The following PTPRD variants were observed in gnomAD, a reference collection of about 807,000 sequenced individuals.
PTPRD encodes protein tyrosine phosphatase receptor type D.
PTPRD carries 34 observed loss-of-function variants against 214.5 expected under a neutral mutation model. The ratio of observed to expected loss-of-function variants is 0.16; its 90% CI spans 0.12 to 0.21. The LOEUF (loss-of-function observed/expected upper bound fraction) is 0.21, where lower values mean the gene tolerates loss of function less well. PTPRD is among the 10% of genes least tolerant of loss of function. The pLI is 1.00. For synonymous variants in PTPRD, 1,128 were observed against 845.7 expected (o/e 1.33, Z -5.79); for missense variants, 2,545 against 2,398.7 (o/e 1.06, Z -1.27).
intron 5 of PTPRD, among the ~76,000 whole-genome samples, chr9:9,854,753 A>T (rs1376336897): frequency 1.3e-5 from 2 of 152,120 alleles, no homozygotes; most frequent in Admixed American, 6.5e-5. Flanking sequence ...GTACCCCCAG[A>T]AAACCAGCAA....
chr9:8,422,398 A>C (rs532754956), intron 35 of PTPRD, among the ~76,000 whole-genome samples: 52 of 152,210 alleles, frequency 3.4e-4, no homozygotes, highest in African/African-American at 1.3e-3. Flanking sequence ...AGGTAATATG[A>C]TGGTTGTTTA....
At chr9:9,960,945 A>C (rs2094320422) in intron 4 of PTPRD, among the ~76,000 whole-genome samples, 1 of 152,138 alleles carries the variant, frequency 6.6e-6, no homozygotes, top group South Asian at 2.1e-4. Flanking sequence ...ATCTACAATG[A>C]ACTCAAACAA....
rs530582793 is a variant in PTPRD at position 9,512,379 on chromosome 9, T to A, written c.-237+62353A>T. Among the ~76,000 whole-genome samples, 185 of 151,934 alleles carry A rather than the reference T, an allele frequency of 1.2e-3. 1 individual carries two copies. Among genetic ancestry groups the A allele is most frequent in the South Asian group, 7.7e-3 (37 of 4,824 alleles). On this transcript the variant is annotated intron_variant, in intron 8 of 45. Transcript: ENST00000381196. Reference sequence around the variant, plus strand: ...AGGCTTCTAAGCAAGAAAAATATAATCTTTTTAAAGAGATAAAGTATGCCC... The same window carrying A: ...AGGCTTCTAAGCAAGAAAAATATAAACTTTTTAAAGAGATAAAGTATGCCC...
intron 5 of PTPRD, among the ~76,000 whole-genome samples, chr9:9,911,823 T>C (rs2079273215): frequency 6.6e-6 from 1 of 152,092 alleles, no homozygotes; most frequent in Non-Finnish European, 1.5e-5. Context: ...TTAAAAATTT[T>C]CCTGTGGTGA....
At chr9:9,883,023 C>T (rs1362712747) in intron 5 of PTPRD, among the ~76,000 whole-genome samples, 3 of 152,122 alleles carry the variant, frequency 2.0e-5, no homozygotes, top group African/African-American at 7.2e-5. Context: ...CATGAGGTCT[C>T]ATTTGAAGCC....
intron 19 of PTPRD, among the ~76,000 whole-genome samples, chr9:8,522,812 G>C (rs1449609155): frequency 6.6e-6 from 1 of 151,870 alleles, no homozygotes; most frequent in Non-Finnish European, 1.5e-5. Flanking sequence ...TAATCTTTAG[G>C]GAGCACACCT....
chr9:8,799,129 G>C (rs950966727), intron 11 of PTPRD, among the ~76,000 whole-genome samples: 2 of 152,116 alleles, frequency 1.3e-5, no homozygotes, highest in Admixed American at 1.3e-4. Context: ...ACATGTCAGA[G>C]TCCACAGGTA....
intron 5 of PTPRD, among the ~76,000 whole-genome samples, chr9:9,856,137 G>A (rs1190089760): frequency 1.3e-5 from 2 of 152,122 alleles, no homozygotes; most frequent in Non-Finnish European, 2.9e-5. Flanking sequence ...GGCCATCTGC[G>A]GCAGGATTAT....
chr9:8,383,954 G>T (rs2086067003), intron 37 of PTPRD, among the ~76,000 whole-genome samples: 1 of 152,170 alleles, frequency 6.6e-6, no homozygotes, highest in African/African-American at 2.4e-5. Context: ...TAAGCATGAG[G>T]TTGATGCATT....
chr9:8,589,780 A>T (rs2093955054), intron 14 of PTPRD, among the ~76,000 whole-genome samples: 1 of 152,168 alleles, frequency 6.6e-6, no homozygotes, highest in Non-Finnish European at 1.5e-5. Context: ...AACTTGACAC[A>T]TTCCTCTGAT....
intron 11 of PTPRD, among the ~76,000 whole-genome samples, chr9:8,937,106 G>C (rs1250980631): frequency 6.6e-6 from 1 of 151,872 alleles, no homozygotes. Flanking sequence ...GCATCATAAT[G>C]TATTGACTAC....
At chr9:9,391,890 A>G (rs563187248) in intron 9 of PTPRD, among the ~76,000 whole-genome samples, 5 of 152,308 alleles carry the variant, frequency 3.3e-5, no homozygotes, top group African/African-American at 1.2e-4. Context: ...CAAAATTTAA[A>G]GAAGACTTTG....
At chr9:9,649,020 G>A (rs2096266619) in intron 7 of PTPRD, among the ~76,000 whole-genome samples, 1 of 152,176 alleles carries the variant, frequency 6.6e-6, no homozygotes, top group East Asian at 1.9e-4. Context: ...GGGCCTTTGT[G>A]TTGAGGCCTC....
At chr9:8,481,684 C>G (rs182211146) in intron 30 of PTPRD, among the ~76,000 whole-genome samples, 11 of 151,922 alleles carry the variant, frequency 7.2e-5, no homozygotes, top group African/African-American at 2.7e-4. Context: ...TAGTCTTTTG[C>G]TTCACATTTT....
At chr9:8,727,213 G>T (rs2098594204) in intron 12 of PTPRD, among the ~76,000 whole-genome samples, 1 of 152,124 alleles carries the variant, frequency 6.6e-6, no homozygotes, top group Non-Finnish European at 1.5e-5. Context: ...TCACACTTTG[G>T]AATTGTTTAA....
At chr9:10,108,294 T>G (rs1035852862) in intron 3 of PTPRD, among the ~76,000 whole-genome samples, 3 of 152,158 alleles carry the variant, frequency 2.0e-5, no homozygotes, top group Non-Finnish European at 4.4e-5. Context: ...ATACGTAACT[T>G]CACAAACGTA....
At chr9:9,362,057 G>C (rs184395745) in intron 9 of PTPRD, among the ~76,000 whole-genome samples, 1 of 150,934 alleles carries the variant, frequency 6.6e-6, no homozygotes, top group East Asian at 2.0e-4. Context: ...TTCAAATGTT[G>C]ACTTAAAAAA....
At chr9:10,294,647 G>A (rs1198753006) in intron 3 of PTPRD, among the ~76,000 whole-genome samples, 1 of 151,920 alleles carries the variant, frequency 6.6e-6, no homozygotes, top group African/African-American at 2.4e-5. Context: ...AGACCTCAGA[G>A]ACTGTTTAAT....
intron 33 of PTPRD, among the ~76,000 whole-genome samples, chr9:8,457,645 T>C (rs902953216): frequency 6.6e-6 from 1 of 152,136 alleles, no homozygotes; most frequent in Non-Finnish European, 1.5e-5. Context: ...AAACTATCTG[T>C]AGCTACAGAC....
Sources: gnomAD v4.1 joint callset for allele counts (sites outside exome capture counted in the v4.1 genomes callset) on GRCh38, gnomAD v4.1.1 for gene constraint, MANE v1.5 for transcripts, NCBI Gene and HGNC (gene_info 2026-07-23, HGNC 2026-07-21) for gene names.